Variants in RBFOX1 observed in about 807,000 individuals in gnomAD.
RBFOX1 encodes RNA binding protein fox-1 homolog 1.
In RBFOX1, 8 loss-of-function variants were observed where a neutral mutation model predicts 57.7. The ratio of observed to expected loss-of-function variants is 0.14; its 90% CI spans 0.08 to 0.25. RBFOX1 has a LOEUF of 0.25. RBFOX1 is among the 10% of genes least tolerant of loss of function. RBFOX1 has a pLI of 1.00. For missense variants in RBFOX1, 611 were observed against 548.5 expected, an observed-to-expected ratio of 1.11 and a Z score of -1.14; for synonymous variants, 326 against 222.4, an observed-to-expected ratio of 1.47 and a Z score of -4.15.
intron 4 of RBFOX1, among the ~76,000 whole-genome samples, chr16:7,258,648 T>C (rs568616759): frequency 3.5e-4 from 53 of 152,302 alleles, no homozygotes; most frequent in Admixed American, 9.8e-4. Flanking sequence ...TACTATATTA[T>C]TTTACTAACA....
chr16:7,554,177 C>T (rs1165397760), intron 5 of RBFOX1, among the ~76,000 whole-genome samples: 1 of 152,170 alleles, frequency 6.6e-6, no homozygotes, highest in Admixed American at 6.5e-5. Flanking sequence ...GATGGGAAAA[C>T]TAACAGTTTC....
intron 1 of RBFOX1, among the ~76,000 whole-genome samples, chr16:5,301,197 C>T (rs79942085): frequency 0.025 from 3,794 of 152,240 alleles, 110 homozygotes; most frequent in East Asian, 0.12. Flanking sequence ...TTTGCTTGTT[C>T]TAATGGAAGC....
intron 4 of RBFOX1, among the ~76,000 whole-genome samples, chr16:7,354,920 T>G (rs925371134): frequency 2.0e-5 from 3 of 152,212 alleles, no homozygotes; most frequent in Non-Finnish European, 4.4e-5. Context: ...TGCTATCTTG[T>G]GGTCTCTTTG....
At chr16:7,457,048 C>T (rs112878844) in intron 4 of RBFOX1, among the ~76,000 whole-genome samples, 1,526 of 152,020 alleles carry the variant, frequency 0.01, 20 homozygotes, top group African/African-American at 0.034. Context: ...CCACCACGCC[C>T]GGCTAATTTT....
intron 4 of RBFOX1, among the ~76,000 whole-genome samples, chr16:5,909,088 CCCTTTTTTTT>C (rs1464020099): frequency 7.7e-5 from 6 of 77,584 alleles, no homozygotes; most frequent in African/African-American, 2.2e-4. Context: ...GACTAAGCCC[CCCTTTTTTTT>C]TTTTTTTTTT....
intron 3 of RBFOX1, among the ~76,000 whole-genome samples, chr16:6,951,256 C>T (rs537091937): frequency 3.9e-5 from 6 of 152,130 alleles, no homozygotes; most frequent in Admixed American, 2.0e-4. Flanking sequence ...GTGAAAGAAA[C>T]GTAATAGAGT....
intron 12 of RBFOX1, among the ~76,000 whole-genome samples, chr16:7,659,066 G>C (rs1210974303): frequency 6.6e-6 from 1 of 152,204 alleles, no homozygotes; most frequent in Admixed American, 6.5e-5. Flanking sequence ...TCTAGTGTCA[G>C]CTGTAGGCTT....
chr16:6,762,529 C>A (rs11077086), intron 3 of RBFOX1, among the ~76,000 whole-genome samples: 1 of 151,998 alleles, frequency 6.6e-6, no homozygotes, highest in African/African-American at 2.4e-5. Context: ...ACAAGGTATA[C>A]GCCCACGGTC....
At chr16:5,301,119 G>A (rs2063791531) in intron 1 of RBFOX1, among the ~76,000 whole-genome samples, 1 of 152,192 alleles carries the variant, frequency 6.6e-6, no homozygotes. Flanking sequence ...ATGATGGGAT[G>A]TTACCTTCGA....
At chr16:6,668,102 T>C (rs2098743712) in intron 3 of RBFOX1, among the ~76,000 whole-genome samples, 3 of 152,210 alleles carry the variant, frequency 2.0e-5, no homozygotes, top group Admixed American at 6.5e-5. Flanking sequence ...TAGAGTTTTG[T>C]GTATCCTGTA....
chr16:7,407,550 G>A (rs1023186495), intron 4 of RBFOX1, among the ~76,000 whole-genome samples: 2 of 152,090 alleles, frequency 1.3e-5, no homozygotes, highest in African/African-American at 4.8e-5. Context: ...GGTGGTAGGG[G>A]CACAGTTTGT....
At chr16:5,688,667 A>G (rs4786753) in intron 3 of RBFOX1, among the ~76,000 whole-genome samples, 36,729 of 152,070 alleles carry the variant, frequency 0.24, 5,769 homozygotes, top group East Asian at 0.82. Flanking sequence ...TTCATTACCT[A>G]CCCAGAGTCT....
At chr16:6,499,119 T>C (rs1182109162) in intron 2 of RBFOX1, among the ~76,000 whole-genome samples, 2 of 152,198 alleles carry the variant, frequency 1.3e-5, no homozygotes, top group Admixed American at 1.3e-4. Flanking sequence ...AAAAAGAAAT[T>C]ATCAGCCAGG....
At chr16:6,895,713 C>T (rs1056552075) in intron 3 of RBFOX1, among the ~76,000 whole-genome samples, 2 of 151,730 alleles carry the variant, frequency 1.3e-5, no homozygotes, top group African/African-American at 4.8e-5. Flanking sequence ...AAAGGATACT[C>T]ATGTGATTGC....
At chr16:6,917,578 T>C (rs971053380) in intron 3 of RBFOX1, among the ~76,000 whole-genome samples, 33 of 152,300 alleles carry the variant, frequency 2.2e-4, no homozygotes, top group African/African-American at 7.5e-4. Context: ...TCTTCTGAAA[T>C]AAAAGTTAGG....
chr16:7,570,263 A>G (rs1023074151), intron 5 of RBFOX1, among the ~76,000 whole-genome samples: 4 of 152,030 alleles, frequency 2.6e-5, no homozygotes, highest in African/African-American at 9.7e-5. Context: ...GTCCTTCACC[A>G]GCATCCTTGA....
chr16:7,073,905 A>C (rs1415185770), intron 4 of RBFOX1, among the ~76,000 whole-genome samples: 1 of 146,606 alleles, frequency 6.8e-6, no homozygotes, highest in Non-Finnish European at 1.5e-5. Context: ...AAGAAAAAAA[A>C]ATTGACTGAC....
At chr16:6,335,965 T>C (rs1214231450) in intron 2 of RBFOX1, among the ~76,000 whole-genome samples, 1 of 150,128 alleles carries the variant, frequency 6.7e-6, no homozygotes, top group Non-Finnish European at 1.5e-5. Context: ...AGACGCAGCA[T>C]GATGGGAGAA....
chr16:7,487,804 T>A (rs906169225), intron 4 of RBFOX1, among the ~76,000 whole-genome samples: 1 of 152,178 alleles, frequency 6.6e-6, no homozygotes, highest in East Asian at 1.9e-4. Flanking sequence ...TTCAGTAAGA[T>A]CCTGATAGCT....
Sources: gnomAD v4.1 joint callset for allele counts (sites outside exome capture counted in the v4.1 genomes callset) on GRCh38, gnomAD v4.1.1 for gene constraint, MANE v1.5 for transcripts, NCBI Gene and HGNC (gene_info 2026-07-23, HGNC 2026-07-21) for gene names.